The following VIRMA variants were observed in gnomAD, a reference collection of about 807,000 sequenced individuals.
The protein encoded by VIRMA is protein virilizer homolog.
Under a neutral mutation model 182.4 loss-of-function variants are expected in VIRMA, and 65 were observed. That is an observed-to-expected ratio of 0.36 (90% CI 0.29 to 0.44). The LOEUF (loss-of-function observed/expected upper bound fraction) is 0.44, where lower values mean the gene tolerates loss of function less well. VIRMA is among the 20% of genes least tolerant of loss of function. The pLI, the probability that VIRMA is intolerant of heterozygous loss-of-function variation, is 1.00. For missense variants in VIRMA, 1,752 were observed against 2,158.1 expected, an observed-to-expected ratio of 0.81 and a Z score of 3.73; for synonymous variants, 709 against 743.1, an observed-to-expected ratio of 0.95 and a Z score of 0.75.
chr8:94,535,684 G>A (rs1420445591), intron 4 of VIRMA, among the ~76,000 whole-genome samples: 1 of 152,034 alleles, frequency 6.6e-6, no homozygotes, highest in African/African-American at 2.4e-5. Flanking sequence ...AGGAGACTGA[G>A]GGAGAGAATT....
Position 94,488,773 on chromosome 8 carries a change from C to G in VIRMA, c.5372G>C (p.Gly1791Ala). Reference sequence around the variant, plus strand: ...TCCACTAACAAACTTTCCTCTTGAGCCTCCACTGCCGCTATTTGCACTAGC... The same window carrying G: ...TCCACTAACAAACTTTCCTCTTGAGGCTCCACTGCCGCTATTTGCACTAGC... ...SWASANSGSG[G>A]SRGKFVSGGS... The change falls in exon 24 of 24, where the codon GGC (glycine) becomes GCC (alanine). Residue 1791 changes from glycine to alanine, a missense_variant. Around this residue, in one of 11 missense-constraint regions of VIRMA, gnomAD observed 132 missense variants for 173.8 expected, o/e 0.76. Coordinates refer to ENST00000297591, the MANE Select transcript of VIRMA (RefSeq NM_015496.5). 1 of 1,614,218 alleles carries G rather than the reference C, an allele frequency of 6.2e-7. No individual in the cohort carries two copies. The highest frequency in any genetic ancestry group is 8.5e-7 in the Non-Finnish European group (1 of 1,180,032).
intron 11 of VIRMA, among the ~76,000 whole-genome samples, chr8:94,513,150 C>G (rs547142616): frequency 6.6e-6 from 1 of 152,164 alleles, no homozygotes; most frequent in East Asian, 1.9e-4. Flanking sequence ...ACAGCCTGGC[C>G]AACATTGTGG....
chr8:94,506,474 G>T, intron 16 of VIRMA, 26 bp downstream of exon 16: 3 of 1,410,426 alleles, frequency 2.1e-6, no homozygotes, highest in Non-Finnish European at 9.9e-7. Context: ...AAATCTGAGA[G>T]TATATTAAAT....
chr8:94,533,125 A>G (rs1815226370), intron 5 of VIRMA, among the ~76,000 whole-genome samples: 1 of 151,966 alleles, frequency 6.6e-6, no homozygotes, highest in Admixed American at 6.5e-5. Context: ...ACACAAATAT[A>G]TGTAAAACAT....
intron 7 of VIRMA, 92 bp downstream of exon 7, chr8:94,528,978 T>G: frequency 1.3e-6 from 2 of 1,524,982 alleles, no homozygotes; most frequent in Non-Finnish European, 8.9e-7. Flanking sequence ...GGAACCCATT[T>G]ATCTTTGCTA....
At chr8:94,501,511 T>A (rs1038079517) in intron 16 of VIRMA, among the ~76,000 whole-genome samples, 2 of 152,186 alleles carry the variant, frequency 1.3e-5, no homozygotes, top group Admixed American at 1.3e-4. Flanking sequence ...TATGGTTTAG[T>A]AATGAGTTTG....
At chr8:94,488,935 C>G in intron 23 of VIRMA, 75 bp from the exon 24 acceptor site, 1 of 1,494,988 alleles carries the variant, frequency 6.7e-7, no homozygotes, top group Non-Finnish European at 9.1e-7. Flanking sequence ...ATCTACGACA[C>G]TGAGCTCAAA....
intron 16 of VIRMA, among the ~76,000 whole-genome samples, chr8:94,504,047 G>A (rs948262990): frequency 3.9e-5 from 6 of 152,092 alleles, no homozygotes; most frequent in Non-Finnish European, 1.5e-5. Context: ...GGTGGTGCAT[G>A]CCTGTAGTCC....
At chr8:94,548,893 G>A (rs1343025738) in intron 1 of VIRMA, among the ~76,000 whole-genome samples, 2 of 151,972 alleles carry the variant, frequency 1.3e-5, no homozygotes, top group African/African-American at 2.4e-5. Flanking sequence ...TCCTGACCTC[G>A]TGATCCCCCT....
At chr8:94,515,148 T>A (rs1184466059) in intron 10 of VIRMA, among the ~76,000 whole-genome samples, 197 bp from the exon 11 acceptor site, 1 of 150,964 alleles carries the variant, frequency 6.6e-6, no homozygotes, top group East Asian at 1.9e-4. Flanking sequence ...CAGGCTGGAG[T>A]ACAAAGGGCG....
At chr8:94,515,241 C>A (rs1407420972) in intron 10 of VIRMA, among the ~76,000 whole-genome samples, 1 of 151,746 alleles carries the variant, frequency 6.6e-6, no homozygotes, top group Admixed American at 6.6e-5. Flanking sequence ...GGATTACAGG[C>A]GCCTGCCACC....
At chr8:94,493,574 A>G (rs1813675190) in intron 20 of VIRMA, among the ~76,000 whole-genome samples, 1 of 152,238 alleles carries the variant, frequency 6.6e-6, no homozygotes, top group South Asian at 2.1e-4. Context: ...GACAGGGCAG[A>G]CTACAAAATA....
chr8:94,550,072 G>A (rs1177150263), intron 1 of VIRMA, among the ~76,000 whole-genome samples: 2 of 150,990 alleles, frequency 1.3e-5, no homozygotes, highest in Admixed American at 1.3e-4. Flanking sequence ...ACTCCAGCTT[G>A]GGTGACAGAG....
intron 1 of VIRMA, among the ~76,000 whole-genome samples, chr8:94,544,958 A>T (rs186593527): frequency 6.6e-6 from 1 of 152,244 alleles, no homozygotes; most frequent in Non-Finnish European, 1.5e-5. Flanking sequence ...ACAAACTAAG[A>T]GTTTATTATA....
chr8:94,518,042 C>T (rs1814622386), intron 9 of VIRMA, 100 bp from the exon 10 acceptor site: 1 of 781,288 alleles, frequency 1.3e-6, no homozygotes, highest in Non-Finnish European at 2.0e-6. Context: ...AGATCAAGGA[C>T]ATTTACAATA....
chr8:94,553,107 G>A (rs1039044380), intron 1 of VIRMA, among the ~76,000 whole-genome samples: 1 of 151,992 alleles, frequency 6.6e-6, no homozygotes, highest in African/African-American at 2.4e-5. Context: ...TCCTTCTCAA[G>A]GCCCAAACCT....
rs1340215694 is a variant in VIRMA at position 94,487,925 on chromosome 8, C to G, written c.*781G>C. ...TGTCAGTAGGTCCAAAGCTGAAATGCAAAGTTCAGATTTCTAATACAAAGG... is the reference window on the plus strand; with the variant it reads ...TGTCAGTAGGTCCAAAGCTGAAATGGAAAGTTCAGATTTCTAATACAAAGG... On this transcript the variant is annotated 3_prime_UTR_variant, in exon 24 of 24. Transcript: ENST00000297591. 3.9e-5 allele frequency: 6 copies of G among 152,140 alleles called. No homozygotes were observed. The highest frequency in any genetic ancestry group is 1.4e-4 in the African/African-American group (6 of 41,436). The allele number at this position is 152,140 out of a possible 1,614,324, so 9.4% of individuals were successfully genotyped here.
In VIRMA at chr8:94,506,582, T is replaced by C. The variant is rs1233227445; in HGVS notation, c.4015A>G (p.Ser1339Gly). 6.2e-7 allele frequency: 1 copy of C among 1,613,668 alleles called. No homozygotes were observed. Among genetic ancestry groups the C allele is most frequent in the Non-Finnish European group, 8.5e-7 (1 of 1,179,630 alleles). ...CATGTCAGTAAACAGTTGTAACTGC[T>C]CTCAGAGTTAGCTAGCGTAGCCAAC... ...CLLATLANSE[S>G]SYNCLLTCVR... Residue 1339 changes from serine (S) to glycine (G), a missense_variant, in exon 16 of 24, where the codon AGC becomes GGC. Ser to Gly is a moderately conservative substitution (Grantham distance 56). Around this residue, in one of 11 missense-constraint regions of VIRMA, gnomAD observed 777 missense variants for 920.6 expected, o/e 0.84. Coordinates refer to ENST00000297591, the MANE Select transcript of VIRMA (RefSeq NM_015496.5).
intron 6 of VIRMA, among the ~76,000 whole-genome samples, chr8:94,530,496 CAAA>C (rs35685716): frequency 3.8e-5 from 3 of 79,064 alleles, no homozygotes; most frequent in Non-Finnish European, 2.9e-5. Flanking sequence ...AAACCTGTCT[CAAA>C]AAAAAAAAAA....
Sources: gnomAD v4.1 joint callset for allele counts (sites outside exome capture counted in the v4.1 genomes callset) on GRCh38, gnomAD v4.1.1 for gene constraint, gnomAD v4.1.1 regional missense constraint, MANE v1.5 for transcripts, NCBI Gene and HGNC (gene_info 2026-07-23, HGNC 2026-07-21) for gene names.